LIPH: variants seen among roughly 807,000 people sequenced by gnomAD.
LIPH encodes the protein lipase member H.
Under a neutral mutation model 47.6 loss-of-function variants are expected in LIPH, and 32 were observed. The ratio of observed to expected loss-of-function variants is 0.67; its 90% CI spans 0.51 to 0.90. The LOEUF (loss-of-function observed/expected upper bound fraction) is 0.90, where lower values mean the gene tolerates loss of function less well. Ranked by LOEUF, LIPH falls within the 40% of genes least tolerant of loss-of-function variation. The pLI, the probability that LIPH is intolerant of heterozygous loss-of-function variation, is 0.00. For missense variants in LIPH, 497 were observed against 541.4 expected (o/e 0.92, Z 0.81); for synonymous variants, 190 against 195.6 (o/e 0.97, Z 0.24).
chr3:185,526,047 A>G (rs1030467490), intron 4 of LIPH, among the ~76,000 whole-genome samples: 1 of 151,948 alleles, frequency 6.6e-6, no homozygotes, highest in Non-Finnish European at 1.5e-5. Context: ...ACCCCACATG[A>G]CACGTATCCA....
At chr3:185,546,364 A>G (rs970543000) in intron 1 of LIPH, among the ~76,000 whole-genome samples, 79 of 151,510 alleles carry the variant, frequency 5.2e-4, no homozygotes, top group African/African-American at 1.8e-3. Context: ...AAAAAAAAAA[A>G]AAAAAAAATT....
rs530802175 is a variant in LIPH at position 185,513,964 on chromosome 3, T to C, written c.1094+446A>G. On this transcript the variant is annotated intron_variant, in intron 8 of 9. Transcript: ENST00000296252. ...CTGAGGCAGGAGAATCGCTTGAACC[T>C]GGGAGGAGGAGGTTGCAGTGAGCTG... Among the ~76,000 whole-genome samples the C allele has an allele frequency of 5.3e-5, 8 of 152,258 alleles. No homozygotes were observed. The South Asian group carries it at 1.7e-3, about 32-fold the overall frequency.
chr3:185,538,383 C>T (rs988883997), intron 1 of LIPH, among the ~76,000 whole-genome samples: 1 of 152,120 alleles, frequency 6.6e-6, no homozygotes. Flanking sequence ...CTACCTGTGA[C>T]ATGTGTCATA....
At chr3:185,525,584 C>A (rs1720044672) in intron 4 of LIPH, among the ~76,000 whole-genome samples, 1 of 151,784 alleles carries the variant, frequency 6.6e-6, no homozygotes, top group East Asian at 1.9e-4. Flanking sequence ...TTGAGACCAG[C>A]CTGGGCAACA....
Position 185,514,521 on chromosome 3 carries a change from A to G in LIPH, c.983T>C (p.Met328Thr), listed in dbSNP as rs749721360. The G allele has an allele frequency of 1.9e-6, 2 of 1,077,048 alleles. No homozygotes were observed. The highest frequency in any genetic ancestry group is 3.1e-5 in the African/African-American group (2 of 64,602). 66.7% of individuals were successfully genotyped at this position (1,077,048 alleles called of 1,614,324 possible). A position where few individuals can be genotyped will look rare whatever the true frequency, so the allele number is the denominator to read the frequency against. Residue 328 changes from methionine to threonine, a missense_variant and splice_region_variant, in exon 8 of 10, where the codon ATG becomes ACG. Coordinates refer to ENST00000296252, the MANE Select transcript of LIPH (RefSeq NM_139248.3). Reference sequence around the variant, plus strand: ...TATAATATCCACAAAGTAATGATACACTGCAAAACAGAGAGAGAACACGGT... The same window carrying G: ...TATAATATCCACAAAGTAATGATACGCTGCAAAACAGAGAGAGAACACGGT... ...FDTAEESPFCMYHYFVDIITW... is the reference protein window; with the variant it reads ...FDTAEESPFCTYHYFVDIITW...
chr3:185,522,656 AAGAAAGAAAGAAAGAAAGAAAG>A, intron 5 of LIPH, among the ~76,000 whole-genome samples: 1 of 22,028 alleles, frequency 4.5e-5, no homozygotes, highest in East Asian at 2.7e-3. Context: ...AAGAAAAAGA[AAGAAAGAAAGAAAGAAAGAAAG>A]AAAGAAAGAA....
intron 1 of LIPH, among the ~76,000 whole-genome samples, chr3:185,547,442 C>A (rs1177775922): frequency 6.6e-6 from 1 of 152,116 alleles, no homozygotes; most frequent in Non-Finnish European, 1.5e-5. Context: ...CATCCCCAAA[C>A]GTGACATAGA....
intron 1 of LIPH, among the ~76,000 whole-genome samples, chr3:185,538,013 T>A (rs1383117740): frequency 6.6e-6 from 1 of 152,048 alleles, no homozygotes; most frequent in Non-Finnish European, 1.5e-5. Flanking sequence ...CGCTATGTTG[T>A]CCAGGCTAGT....
At chr3:185,547,396 T>G (rs1026834106) in intron 1 of LIPH, among the ~76,000 whole-genome samples, 4 of 152,144 alleles carry the variant, frequency 2.6e-5, no homozygotes, top group African/African-American at 9.7e-5. Flanking sequence ...GAGTTTTGGT[T>G]TCTAAGGTGT....
intron 5 of LIPH, among the ~76,000 whole-genome samples, chr3:185,522,891 G>A (rs1322979295): frequency 6.6e-6 from 1 of 152,088 alleles, no homozygotes; most frequent in East Asian, 1.9e-4. Context: ...ATTACTTGGA[G>A]CATTTACTTT....
intron 1 of LIPH, among the ~76,000 whole-genome samples, chr3:185,547,592 T>C (rs745767079): frequency 1.3e-5 from 2 of 151,924 alleles, no homozygotes; most frequent in Non-Finnish European, 2.9e-5. Context: ...GGAGGGTGGA[T>C]TGCCTGAGTT....
intron 1 of LIPH, among the ~76,000 whole-genome samples, chr3:185,550,955 C>G (rs60221510): frequency 6.6e-6 from 1 of 152,046 alleles, no homozygotes; most frequent in Non-Finnish European, 1.5e-5. Context: ...AAGGCCAAGG[C>G]GGGTGGATCA....
intron 1 of LIPH, among the ~76,000 whole-genome samples, chr3:185,543,008 A>G (rs1720760266): frequency 6.6e-6 from 1 of 152,142 alleles, no homozygotes; most frequent in Non-Finnish European, 1.5e-5. Context: ...CAGGAGTTCG[A>G]GACCAGCCTG....
At chr3:185,540,279 T>C (rs939779450) in intron 1 of LIPH, among the ~76,000 whole-genome samples, 4 of 152,216 alleles carry the variant, frequency 2.6e-5, no homozygotes, top group African/African-American at 9.7e-5. Flanking sequence ...GCCTTCTAGG[T>C]TCACTATCTT....
In LIPH at chr3:185,518,003, G is replaced by A. The variant is rs73885742; in HGVS notation, c.887-841C>T. 3.1e-3 allele frequency among the ~76,000 whole-genome samples: 466 copies of A among 152,218 alleles called. 1 individual carries two copies. Among genetic ancestry groups the A allele is most frequent in the African/African-American group, 0.011 (442 of 41,532 alleles). On this transcript the variant is annotated intron_variant, in intron 6 of 9. Transcript: ENST00000296252. Reference sequence around the variant, plus strand: ...CACAAGAGCCAGAATGTGGAGTGAGGGCATTTACATAGACATGAGTCTGTG... The same window carrying A: ...CACAAGAGCCAGAATGTGGAGTGAGAGCATTTACATAGACATGAGTCTGTG...
At chr3:185,525,391 T>A (rs1475227651) in intron 4 of LIPH, among the ~76,000 whole-genome samples, 1 of 152,076 alleles carries the variant, frequency 6.6e-6, no homozygotes, top group Non-Finnish European at 1.5e-5. Flanking sequence ...TAATAGTTAT[T>A]ATATATTGAA....
intron 4 of LIPH, among the ~76,000 whole-genome samples, chr3:185,526,882 A>T (rs1471106820): frequency 6.6e-6 from 1 of 152,150 alleles, no homozygotes; most frequent in Non-Finnish European, 1.5e-5. Flanking sequence ...ACCCAGTTGC[A>T]CATAGGAAAA....
intron 4 of LIPH, among the ~76,000 whole-genome samples, chr3:185,526,660 A>AT (rs1359391204): frequency 1.9e-5 from 2 of 103,754 alleles, no homozygotes; most frequent in Non-Finnish European, 4.1e-5. Context: ...ATAAAATAAA[A>AT]AATAATATAA....
intron 3 of LIPH, 39 bp downstream of exon 3, chr3:185,533,532 G>A: frequency 7.3e-7 from 1 of 1,371,588 alleles, no homozygotes; most frequent in Non-Finnish European, 1.0e-6. Flanking sequence ...TGAACACCCT[G>A]CCCAGGCTAC....
Sources: allele counts gnomAD v4.1 joint callset (sites outside exome capture counted in the v4.1 genomes callset), GRCh38; gene constraint gnomAD v4.1.1; transcripts MANE v1.5; gene names NCBI Gene and HGNC (gene_info 2026-07-23, HGNC 2026-07-21).